Variants in TYW1B observed in about 807,000 individuals in gnomAD.
TYW1B encodes the protein tRNA-yW synthesizing protein 1 homolog B.
A neutral mutation model predicts 86.9 loss-of-function variants in TYW1B; 73 were observed. The observed-to-expected ratio is 0.84, with a 90% CI of 0.70 to 1.02. The LOEUF (loss-of-function observed/expected upper bound fraction) is 1.02, where lower values mean the gene tolerates loss of function less well. TYW1B is among the 50% of genes least tolerant of loss of function. TYW1B has a pLI of 0.00. For missense variants in TYW1B, 637 were observed against 827.4 expected, an observed-to-expected ratio of 0.77 and a Z score of 2.82; for synonymous variants, 248 against 292.8, an observed-to-expected ratio of 0.85 and a Z score of 1.56.
At chr7:72,782,476 C>T (rs1309209313) in intron 6 of TYW1B, among the ~76,000 whole-genome samples, 1 of 76,590 alleles carries the variant, frequency 1.3e-5, no homozygotes, top group African/African-American at 3.7e-5. Flanking sequence ...TTACAACAAA[C>T]AAGCTTTTTC....
At chr7:72,758,201 CAAAG>C (rs1554466577) in intron 7 of TYW1B, among the ~76,000 whole-genome samples, 2 of 152,048 alleles carry the variant, frequency 1.3e-5, no homozygotes, top group East Asian at 3.9e-4. Flanking sequence ...GCCTGGGTGA[CAAAG>C]GAAGACTCTC....
chr7:72,720,478 T>C (rs1283701431), intron 9 of TYW1B, among the ~76,000 whole-genome samples: 1 of 151,936 alleles, frequency 6.6e-6, no homozygotes, highest in Non-Finnish European at 1.5e-5. Flanking sequence ...ACAAACAAAA[T>C]ACAAGACAAA....
intron 13 of TYW1B, among the ~76,000 whole-genome samples, chr7:72,584,203 T>C (rs1218758421): frequency 2.0e-5 from 3 of 152,244 alleles, no homozygotes; most frequent in African/African-American, 7.2e-5. Context: ...TGCCACCATA[T>C]CCAGCCAATG....
At chr7:72,609,829 C>T (rs1380463040) in intron 13 of TYW1B, among the ~76,000 whole-genome samples, 6 of 152,030 alleles carry the variant, frequency 3.9e-5, no homozygotes, top group South Asian at 4.1e-4. Context: ...AGATCAACAA[C>T]GAAAAGGAAA....
chr7:72,781,843 A>G (rs1210649542), intron 6 of TYW1B, among the ~76,000 whole-genome samples: 1 of 152,244 alleles, frequency 6.6e-6, no homozygotes, highest in African/African-American at 2.4e-5. Context: ...AGGAAAGTCA[A>G]TTATGAGCTA....
At chr7:72,641,975 G>A (rs879970321) in intron 11 of TYW1B, among the ~76,000 whole-genome samples, 1 of 152,128 alleles carries the variant, frequency 6.6e-6, no homozygotes. Flanking sequence ...ATTTCAAAAC[G>A]TACTCAAAGC....
intron 6 of TYW1B, among the ~76,000 whole-genome samples, chr7:72,799,948 A>C (rs1788376543): frequency 6.6e-6 from 1 of 152,292 alleles, no homozygotes; most frequent in East Asian, 1.9e-4. Context: ...ATCATACAGA[A>C]AAGCTTTCTC....
intron 7 of TYW1B, among the ~76,000 whole-genome samples, chr7:72,771,371 T>C (rs1219256277): frequency 5.9e-5 from 9 of 152,216 alleles, no homozygotes; most frequent in African/African-American, 1.4e-4. Flanking sequence ...AATAAATTCA[T>C]TGGGGTGGGG....
At chr7:72,817,623 G>C (rs1463786465) in intron 2 of TYW1B, among the ~76,000 whole-genome samples, 1 of 151,988 alleles carries the variant, frequency 6.6e-6, no homozygotes, top group Non-Finnish European at 1.5e-5. Context: ...GAGTTGTCCA[G>C]GTTCTTCACA....
At chr7:72,647,756 C>A (rs1812963526) in intron 11 of TYW1B, among the ~76,000 whole-genome samples, 1 of 151,946 alleles carries the variant, frequency 6.6e-6, no homozygotes, top group Non-Finnish European at 1.5e-5. Flanking sequence ...GCCATCATAG[C>A]TCACTGCAGC....
chr7:72,688,703 T>A (rs781831500), intron 11 of TYW1B, among the ~76,000 whole-genome samples: 7 of 152,158 alleles, frequency 4.6e-5, no homozygotes, highest in Non-Finnish European at 8.8e-5. Context: ...GAGATGACTT[T>A]CCGATCTACC....
At position 72,809,526 on chromosome 7, in the gene TYW1B, G is replaced by A. The variant is rs191327210; in HGVS notation, c.432+945C>T. 4.3e-4 allele frequency among the ~76,000 whole-genome samples: 66 copies of A among 152,188 alleles called. 1 individual carries two copies. In the East Asian group the frequency reaches 5.6e-3, roughly 13 times the overall value. Reference sequence around the variant, plus strand: ...AGATTAGCCAGGGGTAGTGGTGCACGCCTATAGTTCCAGCTACTAGGGAGG... The same window carrying A: ...AGATTAGCCAGGGGTAGTGGTGCACACCTATAGTTCCAGCTACTAGGGAGG... On this transcript the variant is annotated intron_variant, in intron 4 of 13. Coordinates refer to ENST00000620995, the MANE Select transcript of TYW1B (RefSeq NM_001145440.3).
intron 11 of TYW1B, among the ~76,000 whole-genome samples, chr7:72,671,219 C>A (rs1438188077): frequency 3.3e-5 from 5 of 152,050 alleles, no homozygotes; most frequent in African/African-American, 9.7e-5. Flanking sequence ...GAAAAATGAT[C>A]TTCTTAGGGG....
At chr7:72,799,485 A>C (rs1193174863) in intron 6 of TYW1B, among the ~76,000 whole-genome samples, 1 of 148,376 alleles carries the variant, frequency 6.7e-6, no homozygotes, top group Non-Finnish European at 1.5e-5. Context: ...TTTTCTTTTG[A>C]GACGGAGTCT....
At chr7:72,663,350 A>C (rs1376816385) in intron 11 of TYW1B, among the ~76,000 whole-genome samples, 1 of 152,130 alleles carries the variant, frequency 6.6e-6, no homozygotes, top group Non-Finnish European at 1.5e-5. Flanking sequence ...AATTGAAAGC[A>C]ATGGTTATTT....
chr7:72,798,944 T>C (rs1173193575), intron 6 of TYW1B, among the ~76,000 whole-genome samples: 19 of 152,172 alleles, frequency 1.2e-4, no homozygotes, highest in Non-Finnish European at 5.9e-5. Flanking sequence ...TCATGTGTTT[T>C]GCCAACTTTT....
chr7:72,795,483 G>A (rs536316228), intron 6 of TYW1B, among the ~76,000 whole-genome samples: 8 of 152,106 alleles, frequency 5.3e-5, no homozygotes, highest in African/African-American at 1.9e-4. Flanking sequence ...TCCCCATGAT[G>A]AGATTCAAGC....
At chr7:72,580,202 G>A (rs187196788) in intron 13 of TYW1B, among the ~76,000 whole-genome samples, 1 of 152,236 alleles carries the variant, frequency 6.6e-6, no homozygotes, top group East Asian at 1.9e-4. Flanking sequence ...CACCTCTCAG[G>A]GCAATCGGAG....
chr7:72,612,364 T>C (rs1489826821), intron 13 of TYW1B, among the ~76,000 whole-genome samples: 1 of 152,172 alleles, frequency 6.6e-6, no homozygotes, highest in Non-Finnish European at 1.5e-5. Flanking sequence ...TTGTTTACAA[T>C]AGAATGCTGA....
Sources: allele counts gnomAD v4.1 joint callset (sites outside exome capture counted in the v4.1 genomes callset), GRCh38; gene constraint gnomAD v4.1.1; transcripts MANE v1.5; gene names NCBI Gene and HGNC (gene_info 2026-07-23, HGNC 2026-07-21).